PKNOX2: variants seen among roughly 807,000 people sequenced by gnomAD.
PKNOX2 encodes the protein homeobox protein PKNOX2.
PKNOX2 carries 14 observed loss-of-function variants against 53.1 expected under a neutral mutation model. The ratio of observed to expected loss-of-function variants is 0.26; its 90% confidence interval spans 0.17 to 0.41. The LOEUF (loss-of-function observed/expected upper bound fraction) is 0.41. PKNOX2 is among the 10% of genes least tolerant of loss of function. The pLI is 1.00. For missense variants in PKNOX2, 496 were observed against 602.8 expected (o/e 0.82, Z 1.85); for synonymous variants, 257 against 242.8 (o/e 1.06, Z -0.54).
At chr11:125,337,406 A>T (rs1176988840) in intron 3 of PKNOX2, among the ~76,000 whole-genome samples, 6 of 152,218 alleles carry the variant, frequency 3.9e-5, no homozygotes, top group African/African-American at 1.4e-4. Flanking sequence ...AAGTTCTCAC[A>T]TGTCCAACAC....
intron 1 of PKNOX2, among the ~76,000 whole-genome samples, chr11:125,212,373 A>G (rs977962614): frequency 6.6e-6 from 1 of 151,500 alleles, no homozygotes; most frequent in Non-Finnish European, 1.5e-5. Context: ...CTTCCCACCC[A>G]GGTGTGGTTA....
At chr11:125,369,565 AG>A (rs988410599) in intron 5 of PKNOX2, among the ~76,000 whole-genome samples, 4 of 152,340 alleles carry the variant, frequency 2.6e-5, no homozygotes, top group South Asian at 2.1e-4. Context: ...CGTACAAACA[AG>A]AAACCAGAGC....
At chr11:125,342,209 A>G (rs1950727146) in intron 3 of PKNOX2, among the ~76,000 whole-genome samples, 1 of 151,982 alleles carries the variant, frequency 6.6e-6, no homozygotes, top group Non-Finnish European at 1.5e-5. Context: ...ATTTGGAACA[A>G]GGTATCATCT....
chr11:125,334,877 T>A (rs1302406114), intron 3 of PKNOX2, among the ~76,000 whole-genome samples: 1 of 152,196 alleles, frequency 6.6e-6, no homozygotes, highest in Non-Finnish European at 1.5e-5. Context: ...GTGCTGTGAT[T>A]ACAGGCATGA....
rs67761552 is a variant in PKNOX2 at position 125,309,387 on chromosome 11, ATTTT to A, written c.-129-22416_-129-22413del. On this transcript the variant is annotated intron_variant, in intron 2 of 12. Coordinates refer to ENST00000298282, the MANE Select transcript of PKNOX2 (RefSeq NM_001382323.2). ...TTTGCATTTTACTCTAACAGTACCAATTTTTTTTTTTTTTTTTTTAGAGAAGTCT... is the reference window on the plus strand; with the variant it reads ...TTTGCATTTTACTCTAACAGTACCAATTTTTTTTTTTTTTTAGAGAAGTCT... Among the ~76,000 whole-genome samples the A allele has an allele frequency of 1.4e-3, 185 of 135,236 alleles. 6 individuals are homozygous for A. The highest frequency in any genetic ancestry group is 2.0e-3 in the African/African-American group (73 of 35,674). 88.7% of individuals were successfully genotyped at this position (135,236 alleles called of 152,430 possible). A position where few individuals can be genotyped will look rare whatever the true frequency, so the allele number is the denominator to read the frequency against.
At position 125,375,525 on chromosome 11, in the gene PKNOX2, T is replaced by G. The variant is rs377665413; in HGVS notation, c.227+7540T>G. Among the ~76,000 whole-genome samples the G allele has an allele frequency of 1.8e-3, 276 of 152,332 alleles. 4 individuals carry two copies. The South Asian group carries it at 0.032, about 18-fold the overall frequency. ...TTTAAATCTCAACTCAGTTACTGCA[T>G]AGCCTGATGCGGTCATTTAACCACA... On this transcript the variant is annotated intron_variant, in intron 5 of 12. Coordinates refer to ENST00000298282, the MANE Select transcript of PKNOX2 (RefSeq NM_001382323.2).
At chr11:125,339,527 T>C (rs1320262750) in intron 3 of PKNOX2, among the ~76,000 whole-genome samples, 1 of 152,184 alleles carries the variant, frequency 6.6e-6, no homozygotes, top group Non-Finnish European at 1.5e-5. Flanking sequence ...CAGCTGTGGG[T>C]GGTCCCTGGA....
chr11:125,362,498 C>T (rs891174546), intron 4 of PKNOX2, among the ~76,000 whole-genome samples: 1 of 152,096 alleles, frequency 6.6e-6, no homozygotes, highest in Non-Finnish European at 1.5e-5. Flanking sequence ...CTCAGCCTCT[C>T]GAGTAGCTGA....
intron 2 of PKNOX2, among the ~76,000 whole-genome samples, chr11:125,272,001 C>T (rs184822245): frequency 2.0e-4 from 31 of 152,374 alleles, no homozygotes; most frequent in South Asian, 8.3e-4. Flanking sequence ...GACCTCTCAA[C>T]GCTATAGCGA....
chr11:125,351,409 C>G lies in PKNOX2; in HGVS notation c.87+17C>G. 6.5e-7 allele frequency: 1 copy of G among 1,536,332 alleles called. No individual in the cohort carries two copies. The highest frequency in any genetic ancestry group is 9.0e-7 in the Non-Finnish European group (1 of 1,113,902). On this transcript the variant is annotated intron_variant, in intron 4 of 12. Transcript: ENST00000298282. ...AGCCCACAGGTGAGTGCGCAGGGGC[C>G]GCTGCCTCCCACCACGGGGGAGGGA...
intron 1 of PKNOX2, among the ~76,000 whole-genome samples, chr11:125,182,693 G>C (rs1046084412): frequency 6.6e-6 from 1 of 152,212 alleles, no homozygotes; most frequent in Non-Finnish European, 1.5e-5. Context: ...TAGGAAAGCT[G>C]GGTTGTGAAA....
chr11:125,207,935 A>G (rs774068083), intron 1 of PKNOX2, among the ~76,000 whole-genome samples: 1 of 152,134 alleles, frequency 6.6e-6, no homozygotes, highest in Non-Finnish European at 1.5e-5. Flanking sequence ...TTCAACAAAT[A>G]TTGATTGCAT....
chr11:125,326,708 C>T (rs1949837999), intron 2 of PKNOX2, among the ~76,000 whole-genome samples: 1 of 152,210 alleles, frequency 6.6e-6, no homozygotes, highest in Admixed American at 6.5e-5. Flanking sequence ...CAAGCATCAT[C>T]AGGGAATGAG....
At position 125,389,144 on chromosome 11, in the gene PKNOX2, G is replaced by A. The variant is rs148224457; in HGVS notation, c.399+3422G>A. Among the ~76,000 whole-genome samples the A allele has an allele frequency of 2.0e-3, 306 of 152,218 alleles. 2 individuals carry two copies. The highest frequency in any genetic ancestry group is 7.0e-3 in the African/African-American group (290 of 41,524). ...CAGTAGGCAGAGGTTGCAGTGAGCC[G>A]AGATCATGCCACTGCACTCCAGCCT... On this transcript the variant is annotated intron_variant, in intron 6 of 12. Transcript: ENST00000298282.
Position 125,165,221 on chromosome 11 carries a change from G to A in PKNOX2, c.-201+445G>A, listed in dbSNP as rs1181248246. Among the ~76,000 whole-genome samples the A allele has an allele frequency of 6.6e-6, 1 of 151,674 alleles. No homozygotes were observed. The highest frequency in any genetic ancestry group is 2.1e-4 in the South Asian group (1 of 4,834). On this transcript the variant is annotated intron_variant, in intron 1 of 12. Transcript: ENST00000298282. The surrounding 1 kb of genome is among the most constrained non-coding windows in gnomAD (Gnocchi z 4.5). Reference sequence around the variant, plus strand: ...CGCGCATTGTCCTCGGGTGCAAGGAGCCGGGCTGCGGACTCGAATCGCCGC... The same window carrying A: ...CGCGCATTGTCCTCGGGTGCAAGGAACCGGGCTGCGGACTCGAATCGCCGC...
At chr11:125,254,605 C>G (rs755702848) in intron 2 of PKNOX2, among the ~76,000 whole-genome samples, 39 of 152,226 alleles carry the variant, frequency 2.6e-4, no homozygotes, top group Non-Finnish European at 4.6e-4. Flanking sequence ...TTTTGAATAC[C>G]TGTACCCTGC....
At chr11:125,199,140 C>T (rs1938135358) in intron 1 of PKNOX2, among the ~76,000 whole-genome samples, 1 of 152,176 alleles carries the variant, frequency 6.6e-6, no homozygotes, top group Non-Finnish European at 1.5e-5. Context: ...CACGCCCAGC[C>T]TTCTTCCCTT....
chr11:125,261,626 T>C (rs114682876), intron 2 of PKNOX2, among the ~76,000 whole-genome samples: 1,972 of 152,270 alleles, frequency 0.013, 44 homozygotes, highest in African/African-American at 0.043. Context: ...AGTGACCTCA[T>C]TGGCCAGAAG....
intron 2 of PKNOX2, among the ~76,000 whole-genome samples, chr11:125,309,683 C>T (rs546878734): frequency 6.6e-6 from 1 of 152,180 alleles, no homozygotes; most frequent in Non-Finnish European, 1.5e-5. Flanking sequence ...CGACTGTGCC[C>T]GGCCTCTAAC....
Sources: allele counts gnomAD v4.1 joint callset (sites outside exome capture counted in the v4.1 genomes callset), GRCh38; gene constraint gnomAD v4.1.1; non-coding constraint Gnocchi (gnomAD v3.1); transcripts MANE v1.5; gene names NCBI Gene and HGNC (gene_info 2026-07-23, HGNC 2026-07-21).